The following PCBP3 variants were observed in gnomAD, a reference collection of about 807,000 sequenced individuals.
The protein encoded by PCBP3 is poly(rC) binding protein 3, also known as poly(rC)-binding protein 3.
Under a neutral mutation model 52.7 loss-of-function variants are expected in PCBP3, and 25 were observed. The ratio of observed to expected loss-of-function variants is 0.47; its 90% CI spans 0.35 to 0.66. PCBP3 has a LOEUF of 0.66. Among genes scored for constraint, PCBP3 ranks in the 30% least tolerant of loss-of-function variants. The pLI, the probability that PCBP3 is intolerant of heterozygous loss-of-function variation, is 0.01. For synonymous variants in PCBP3, 162 were observed against 183.0 expected (o/e 0.89, Z 0.93); for missense variants, 391 against 490.3 (o/e 0.80, Z 1.91).
chr21:45,814,988 A>AGTGAGTGGTGAGTGGTGAGTGAGTG (rs752278420), intron 4 of PCBP3, among the ~76,000 whole-genome samples: 1 of 45,246 alleles, frequency 2.2e-5, no homozygotes, highest in African/African-American at 9.7e-5. Context: ...GTGAGTGGTG[A>AGTGAGTGGTGAGTGGTGAGTGAGTG]GTGAGTGGTG....
At chr21:45,660,977 G>T (rs780723946) in intron 1 of PCBP3, among the ~76,000 whole-genome samples, 3 of 152,026 alleles carry the variant, frequency 2.0e-5, no homozygotes, top group Non-Finnish European at 2.9e-5. Context: ...GGAGGCAGAG[G>T]TTGCAGTGAG....
chr21:45,931,729 C>A (rs1162496820), intron 15 of PCBP3, among the ~76,000 whole-genome samples: 1 of 152,028 alleles, frequency 6.6e-6, no homozygotes, highest in African/African-American at 2.4e-5. Flanking sequence ...ACACGTCGGC[C>A]GTGCCGTCCT....
chr21:45,703,663 T>C (rs2083270685), intron 2 of PCBP3, among the ~76,000 whole-genome samples: 1 of 152,136 alleles, frequency 6.6e-6, no homozygotes, highest in Non-Finnish European at 1.5e-5. Context: ...AAAGGAGGAT[T>C]GTGCCTGCTG....
In PCBP3 at chr21:45,875,176, C is replaced by T. The variant is rs183884054; in HGVS notation, c.11-21032C>T. ...CCTCCATGTTGCGCGCTCCGGCTGA[C>T]TCACCGGGGCTGGGGGCCCTTCCAC... On this transcript the variant is annotated intron_variant, in intron 5 of 17. Coordinates refer to ENST00000681687, the MANE Select transcript of PCBP3 (RefSeq NM_001384156.1). Among the ~76,000 whole-genome samples the T allele has an allele frequency of 2.9e-3, 439 of 152,106 alleles. 4 individuals carry two copies. The highest frequency in any genetic ancestry group is 9.7e-3 in the African/African-American group (403 of 41,454).
At chr21:45,901,198 T>C (rs923026328) in intron 9 of PCBP3, 85 bp downstream of exon 9, 35 of 936,356 alleles carry the variant, frequency 3.7e-5, no homozygotes, top group Middle Eastern at 2.8e-4. Context: ...CCCCTACACC[T>C]GGACTAGGGG....
rs1162168144 is a variant in PCBP3, at chr21:45,651,376, CAG to C, written c.-279+7510_-279+7511del. Among the ~76,000 whole-genome samples, 3 of 152,072 alleles carry C rather than the reference CAG, an allele frequency of 2.0e-5. No individual in the cohort carries two copies. The East Asian group carries it at 5.8e-4, about 29-fold the overall frequency. ...TTTTGTGTAGAAAAATTGGAAGAAACAGAAAATTATAAAGTAGAAGATCAACA... is the reference window on the plus strand; with the variant it reads ...TTTTGTGTAGAAAAATTGGAAGAAACAAAATTATAAAGTAGAAGATCAACA... On this transcript the variant is annotated intron_variant, in intron 1 of 17. Transcript: ENST00000681687.
chr21:45,819,018 G>A (rs1240329073), intron 4 of PCBP3, among the ~76,000 whole-genome samples: 7 of 152,384 alleles, frequency 4.6e-5, no homozygotes, highest in Admixed American at 4.6e-4. Context: ...AGAGATGGAT[G>A]TGTAGGTGGA....
At chr21:45,823,867 G>C (rs1427344808) in intron 4 of PCBP3, among the ~76,000 whole-genome samples, 1 of 151,998 alleles carries the variant, frequency 6.6e-6, no homozygotes, top group Non-Finnish European at 1.5e-5. Flanking sequence ...TCAGCCTCCT[G>C]AGTAGCTGGG....
intron 2 of PCBP3, among the ~76,000 whole-genome samples, chr21:45,714,710 A>G (rs2084092960): frequency 6.6e-6 from 1 of 152,354 alleles, no homozygotes; most frequent in South Asian, 2.1e-4. Context: ...AAACAGTGAG[A>G]TACCATTTCA....
chr21:45,877,558 C>G (rs1043521815), intron 5 of PCBP3, among the ~76,000 whole-genome samples: 2 of 152,190 alleles, frequency 1.3e-5, no homozygotes, highest in African/African-American at 4.8e-5. Context: ...AATCCCAACA[C>G]TTTGGGAGGC....
chr21:45,811,686 AGG>A (rs1244225829), intron 4 of PCBP3, among the ~76,000 whole-genome samples: 4 of 152,248 alleles, frequency 2.6e-5, no homozygotes, highest in Non-Finnish European at 5.9e-5. Flanking sequence ...TTGGCTTGCT[AGG>A]ATCAGTATTT....
At chr21:45,778,915 G>A (rs979201352) in intron 4 of PCBP3, among the ~76,000 whole-genome samples, 1 of 152,250 alleles carries the variant, frequency 6.6e-6, no homozygotes, top group African/African-American at 2.4e-5. Flanking sequence ...GAGCAGGTGG[G>A]TCCATCCTTG....
chr21:45,876,007 G>C (rs560206438), intron 5 of PCBP3, among the ~76,000 whole-genome samples: 2 of 152,336 alleles, frequency 1.3e-5, no homozygotes, highest in African/African-American at 2.4e-5. Context: ...AAGGTGTGGG[G>C]TGAGGAATGT....
intron 3 of PCBP3, chr21:45,748,120 CTGTG>C (rs1555919415): frequency 4.3e-4 from 66 of 152,884 alleles, no homozygotes; most frequent in Non-Finnish European, 2.9e-5. Context: ...AGAATTTCCT[CTGTG>C]TGCGCATTTA....
intron 4 of PCBP3, chr21:45,836,316 G>T (rs2093587018): frequency 6.6e-6 from 1 of 152,328 alleles, no homozygotes. Context: ...TCCACCCAGG[G>T]AGCGGCCAGA....
rs183013584 is a variant in PCBP3, at chr21:45,656,277, A to G, written c.-279+12409A>G. Among the ~76,000 whole-genome samples, 826 of 152,336 alleles carry G rather than the reference A, an allele frequency of 5.4e-3. 7 individuals carry two copies. The highest frequency in any genetic ancestry group is 9.1e-3 in the Non-Finnish European group (617 of 68,030). On this transcript the variant is annotated intron_variant, in intron 1 of 17. Transcript: ENST00000681687. The surrounding 1 kb of genome is among the most constrained non-coding windows in gnomAD (Gnocchi z 4.3). The stretch of plus-strand genomic sequence containing the variant: ...ATCAGTGATAGACTGGATAAAGAAA[A>G]TGTGGCACATATACACCATGGAATA...
At chr21:45,784,427 T>C (rs945351124) in intron 4 of PCBP3, among the ~76,000 whole-genome samples, 2 of 95,132 alleles carry the variant, frequency 2.1e-5, no homozygotes, top group Non-Finnish European at 4.5e-5. Context: ...TACCCCTACC[T>C]CCTACCTCCT....
intron 4 of PCBP3, among the ~76,000 whole-genome samples, chr21:45,794,058 GAAAT>G (rs1233201337): frequency 1.3e-5 from 2 of 152,110 alleles, no homozygotes; most frequent in Non-Finnish European, 2.9e-5. Context: ...AATACTATTT[GAAAT>G]AAAAATCTCA....
chr21:45,881,363 C>G (rs2095401286), intron 5 of PCBP3, among the ~76,000 whole-genome samples: 1 of 152,192 alleles, frequency 6.6e-6, no homozygotes, highest in Non-Finnish European at 1.5e-5. Context: ...ATATCCATCA[C>G]CTCACATACC....
Sources: allele counts gnomAD v4.1 joint callset (sites outside exome capture counted in the v4.1 genomes callset), GRCh38; gene constraint gnomAD v4.1.1; non-coding constraint Gnocchi (gnomAD v3.1); transcripts MANE v1.5; gene names NCBI Gene and HGNC (gene_info 2026-07-23, HGNC 2026-07-21).